DHX35: variants seen among roughly 807,000 people sequenced by gnomAD.
DHX35 encodes DEAH-box helicase 35, also known as probable ATP-dependent RNA helicase DHX35.
In DHX35, 84 loss-of-function variants were observed where a neutral mutation model predicts 99.6. The ratio of observed to expected loss-of-function variants is 0.84; its 90% CI spans 0.71 to 1.01. The LOEUF is 1.01. Ranked by LOEUF, DHX35 falls within the 50% of genes least tolerant of loss-of-function variation. The pLI, the probability that DHX35 is intolerant of heterozygous loss-of-function variation, is 0.00. For synonymous variants in DHX35, 331 were observed against 316.2 expected (o/e 1.05, Z -0.50); for missense variants, 852 against 888.5 (o/e 0.96, Z 0.52).
chr20:38,984,354 C>A (rs1179016646), intron 4 of DHX35, among the ~76,000 whole-genome samples: 1 of 152,192 alleles, frequency 6.6e-6, no homozygotes, highest in East Asian at 1.9e-4. Flanking sequence ...CCAACATAAA[C>A]AATGTGAACA....
At chr20:38,974,955 T>G (rs2086054289) in intron 3 of DHX35, among the ~76,000 whole-genome samples, 1 of 152,140 alleles carries the variant, frequency 6.6e-6, no homozygotes, top group South Asian at 2.1e-4. Context: ...GCACGTCCAG[T>G]GGTAGGGTTT....
At position 39,034,273 on chromosome 20, in the gene DHX35, G is replaced by T; in HGVS notation, c.2023G>T (p.Ala675Ser). 5 of 1,614,162 alleles carry T rather than the reference G, an allele frequency of 3.1e-6. No individual in the cohort carries two copies. Among genetic ancestry groups the T allele is most frequent in the Non-Finnish European group, 4.2e-6 (5 of 1,180,034 alleles). ...YMRDVTAIES[A>S]WLLELAPHFY... ...GAGAGATGTGACTGCCATTGAATCGGCCTGGCTGTTGGAGCTGGCTCCACA... is the reference window on the plus strand; with the variant it reads ...GAGAGATGTGACTGCCATTGAATCGTCCTGGCTGTTGGAGCTGGCTCCACA... Residue 675 changes from alanine to serine, a missense_variant, in exon 21 of 22, where the codon GCC becomes TCC. Transcript: ENST00000252011.
rs1243578098 is a variant in DHX35, at chr20:38,988,858, G to A, written c.391G>A (p.Glu131Lys). The change falls in exon 5 of 22, where the codon GAG (glutamate) becomes AAG (lysine). Residue 131 changes from glutamate to lysine, a missense_variant. Transcript: ENST00000252011. ...AEERGAVLGH[E>K]VGYCIRFDDC... ...AGAAAGGGGTGCAGTGCTGGGCCAC[G>A]AGGTGGGCTACTGCATCCGCTTTGA... 8 of 1,613,700 alleles carry A rather than the reference G, an allele frequency of 5.0e-6. No homozygotes were observed. The highest frequency in any genetic ancestry group is 3.3e-5 in the South Asian group (3 of 91,066).
chr20:38,993,599 A>G (rs996008356), intron 7 of DHX35, among the ~76,000 whole-genome samples: 7 of 152,004 alleles, frequency 4.6e-5, no homozygotes, highest in Non-Finnish European at 1.0e-4. Context: ...TCCCAACCTC[A>G]GGTGATCTGC....
chr20:39,017,883 T>C (rs747662384), intron 14 of DHX35, among the ~76,000 whole-genome samples: 2 of 152,176 alleles, frequency 1.3e-5, no homozygotes, highest in Non-Finnish European at 2.9e-5. Flanking sequence ...GTTGTTCTCA[T>C]TGTGGCTAAT....
chr20:38,978,222 G>A (rs1389826602), intron 3 of DHX35: 30 of 961,334 alleles, frequency 3.1e-5, no homozygotes, highest in Middle Eastern at 6.2e-4. Flanking sequence ...GACTGCCTTC[G>A]TAATTCATTG....
At position 38,984,066 on chromosome 20, in the gene DHX35, C is replaced by T. The variant is rs569622513; in HGVS notation, c.345+290C>T. On this transcript the variant is annotated intron_variant, in intron 4 of 21. Transcript: ENST00000252011. The stretch of plus-strand genomic sequence containing the variant: ...CTGGGATTACAGGCATGTGCCACTA[C>T]GCCTGGCTAATTTTTTTATATTTTT... Among the ~76,000 whole-genome samples, 6 of 151,914 alleles carry T rather than the reference C, an allele frequency of 3.9e-5. No individual in the cohort carries two copies. The East Asian group carries it at 5.8e-4, about 15-fold the overall frequency.
intron 5 of DHX35, 74 bp from the exon 6 acceptor site, chr20:38,991,380 C>A: frequency 7.2e-7 from 1 of 1,388,722 alleles, no homozygotes; most frequent in Non-Finnish European, 1.0e-6. Flanking sequence ...AGAGGTTGCA[C>A]TTGAACTTAA....
At chr20:39,012,985 T>A (rs1414976094) in intron 13 of DHX35, among the ~76,000 whole-genome samples, 1 of 152,224 alleles carries the variant, frequency 6.6e-6, no homozygotes, top group Non-Finnish European at 1.5e-5. Flanking sequence ...ATGTCTGCTA[T>A]TTCTTCTCAT....
intron 3 of DHX35, among the ~76,000 whole-genome samples, chr20:38,976,920 G>A (rs1456913264): frequency 3.3e-5 from 5 of 152,052 alleles, no homozygotes; most frequent in African/African-American, 9.7e-5. Flanking sequence ...CTGTGTTGGC[G>A]CAAATGACAG....
intron 3 of DHX35, among the ~76,000 whole-genome samples, chr20:38,974,129 G>A (rs996824007): frequency 6.6e-6 from 1 of 152,154 alleles, no homozygotes; most frequent in African/African-American, 2.4e-5. Flanking sequence ...CAAAGTGGTT[G>A]TGTCCTTGTA....
At chr20:38,967,211 T>G (rs2085924237) in intron 1 of DHX35, among the ~76,000 whole-genome samples, 1 of 152,218 alleles carries the variant, frequency 6.6e-6, no homozygotes, top group Non-Finnish European at 1.5e-5. Flanking sequence ...TTTATCAGAT[T>G]GTTGAAGCAA....
At chr20:39,000,617 C>T (rs976350276) in intron 8 of DHX35, among the ~76,000 whole-genome samples, 4 of 152,168 alleles carry the variant, frequency 2.6e-5, no homozygotes, top group African/African-American at 9.7e-5. Context: ...CCAGTTTACT[C>T]TTTTAAAAGT....
rs1247115922 is a variant in DHX35, at chr20:38,971,989, TTTTTGTTTTG to T, written c.175-560_175-551del. On this transcript the variant is annotated intron_variant, in intron 2 of 21. Coordinates refer to ENST00000252011, the MANE Select transcript of DHX35 (RefSeq NM_021931.4). ...GCAGTATGTCTATAATTTCTTGTTTTTTTTGTTTTGTTTTGTTTTTTTTTTTTTTTTTTTT... is the reference window on the plus strand; with the variant it reads ...GCAGTATGTCTATAATTTCTTGTTTTTTTTGTTTTTTTTTTTTTTTTTTTT... Among the ~76,000 whole-genome samples, 726 of 141,608 alleles carry T rather than the reference TTTTTGTTTTG, an allele frequency of 5.1e-3. 7 individuals are homozygous for T. The highest frequency in any genetic ancestry group is 7.7e-3 in the Non-Finnish European group (509 of 65,772). 92.9% of individuals were successfully genotyped at this position (141,608 alleles called of 152,430 possible). A position where few individuals can be genotyped will look rare whatever the true frequency, so the allele number is the denominator to read the frequency against.
In DHX35 at chr20:39,025,212, C is replaced by T. The variant is rs1455689807; in HGVS notation, c.1672-18C>T. On this transcript the variant is annotated intron_variant, in intron 17 of 21. Transcript: ENST00000252011. ...ACATATCTGTTTTCTAACTCCCTCT[C>T]TCTGGGTTGTTCTGTAGCACAATAA... The T allele has an allele frequency of 6.2e-7, 1 of 1,600,596 alleles. No individual in the cohort carries two copies. Among genetic ancestry groups the T allele is most frequent in the South Asian group, 1.1e-5 (1 of 88,482 alleles).
intron 4 of DHX35, among the ~76,000 whole-genome samples, chr20:38,986,146 A>G (rs1427479838): frequency 6.6e-6 from 1 of 151,698 alleles, no homozygotes; most frequent in Non-Finnish European, 1.5e-5. Flanking sequence ...CAAATTTGTG[A>G]AAGCTTAGAG....
chr20:39,028,943 C>T (rs145483205), intron 19 of DHX35, among the ~76,000 whole-genome samples: 214 of 152,318 alleles, frequency 1.4e-3, no homozygotes, highest in Non-Finnish European at 2.5e-3. Flanking sequence ...AGGTGTTTCT[C>T]ATGTGCTGGA....
At chr20:38,987,044 C>T (rs570719006) in intron 4 of DHX35, among the ~76,000 whole-genome samples, 4 of 152,286 alleles carry the variant, frequency 2.6e-5, no homozygotes, top group African/African-American at 9.6e-5. Flanking sequence ...ACCACATGTG[C>T]CAGCCATGTT....
chr20:39,021,974 C>T, intron 16 of DHX35, 39 bp downstream of exon 16: 5 of 1,603,310 alleles, frequency 3.1e-6, no homozygotes, highest in South Asian at 1.1e-5. Context: ...GTACCAGTCT[C>T]TTTTGCTTTG....
Sources: gnomAD v4.1 joint callset for allele counts (sites outside exome capture counted in the v4.1 genomes callset) on GRCh38, gnomAD v4.1.1 for gene constraint, MANE v1.5 for transcripts, NCBI Gene and HGNC (gene_info 2026-07-23, HGNC 2026-07-21) for gene names.